HAUS6: variants seen among roughly 807,000 people sequenced by gnomAD.
HAUS6 encodes the protein HAUS augmin-like complex subunit 6.
Under a neutral mutation model 106.8 loss-of-function variants are expected in HAUS6, and 80 were observed. The observed-to-expected ratio is 0.75, with a 90% CI of 0.63 to 0.90. The LOEUF (loss-of-function observed/expected upper bound fraction) is 0.90. Among genes scored for constraint, HAUS6 ranks in the 40% least tolerant of loss-of-function variants. HAUS6 has a pLI of 0.00. For missense variants in HAUS6, 1,155 were observed against 1,118.1 expected (o/e 1.03, Z -0.47); for synonymous variants, 356 against 379.1 (o/e 0.94, Z 0.71).
At position 19,058,472 on chromosome 9, in the gene HAUS6, A is replaced by G. The variant is rs747208152; in HGVS notation, c.2295T>C (p.Ser765=). ...CAAAATCATTATCTTTAAAACTCTT[A>G]GAACTAATTCCACTTGATATCTGAA... ...NSFQISSGIS[S]KSFKDNDFGI... The change falls in exon 16 of 17, where the codon TCT becomes TCC. Residue 765 remains serine, a synonymous_variant. Transcript: ENST00000380502. The G allele has an allele frequency of 1.9e-6, 3 of 1,593,314 alleles. No homozygotes were observed. In the South Asian group the frequency reaches 3.4e-5, roughly 18 times the overall value.
At chr9:19,069,398 G>A (rs1468626296) in intron 12 of HAUS6, among the ~76,000 whole-genome samples, 1 of 152,064 alleles carries the variant, frequency 6.6e-6, no homozygotes, top group African/African-American at 2.4e-5. Flanking sequence ...CAGTTAAAAG[G>A]GCAAAATTGG....
At chr9:19,060,016 C>T in intron 15 of HAUS6, 72 bp downstream of exon 15, 1 of 1,214,294 alleles carries the variant, frequency 8.2e-7, no homozygotes, top group South Asian at 1.4e-5. Flanking sequence ...CTAAAAAGAT[C>T]TGTCAGGCCA....
At chr9:19,084,840 C>T (rs1367425287) in intron 7 of HAUS6, among the ~76,000 whole-genome samples, 1 of 152,036 alleles carries the variant, frequency 6.6e-6, no homozygotes, top group Non-Finnish European at 1.5e-5. Context: ...CCATGTTGGC[C>T]AGGCTGGCCT....
chr9:19,095,432 G>A (rs1357629619), intron 2 of HAUS6, among the ~76,000 whole-genome samples: 1 of 149,742 alleles, frequency 6.7e-6, no homozygotes, highest in South Asian at 2.1e-4. Context: ...TGGTTGACGG[G>A]TTTCAAAACA....
At chr9:19,072,232 G>A (rs1366002185) in intron 11 of HAUS6, among the ~76,000 whole-genome samples, 2 of 151,680 alleles carry the variant, frequency 1.3e-5, no homozygotes, top group African/African-American at 4.8e-5. Flanking sequence ...CTACAAATGG[G>A]CCAGGTACGA....
chr9:19,074,857 G>C (rs1489709867), intron 11 of HAUS6, among the ~76,000 whole-genome samples: 1 of 152,074 alleles, frequency 6.6e-6, no homozygotes, highest in East Asian at 1.9e-4. Context: ...TTGTACACAT[G>C]TGCTAATTAA....
chr9:19,090,306 GTATT>G (rs1427375330), intron 4 of HAUS6, among the ~76,000 whole-genome samples: 2 of 152,100 alleles, frequency 1.3e-5, no homozygotes, highest in Non-Finnish European at 2.9e-5. Flanking sequence ...CCGTAATAGT[GTATT>G]TATTTATAGA....
In HAUS6 at chr9:19,054,518, T is replaced by A. The variant is rs1457758574; in HGVS notation, c.*1825A>T. The A allele has an allele frequency of 1.3e-5, 2 of 152,264 alleles. No individual in the cohort carries two copies. The highest frequency in any genetic ancestry group is 4.8e-5 in the African/African-American group (2 of 41,460). 9.4% of individuals were successfully genotyped at this position (152,264 alleles called of 1,614,324 possible). ...GAACAGGAAAGAATGCCAAAAACTTTCAGCCCATCACAGGTATAACTCAAC... is the reference window on the plus strand; with the variant it reads ...GAACAGGAAAGAATGCCAAAAACTTACAGCCCATCACAGGTATAACTCAAC... On this transcript the variant is annotated 3_prime_UTR_variant, in exon 17 of 17. Transcript: ENST00000380502.
rs1836422928 is a variant in HAUS6 at position 19,054,258 on chromosome 9, G to C, written c.*2085C>G. On this transcript the variant is annotated 3_prime_UTR_variant, in exon 17 of 17. Coordinates refer to ENST00000380502, the MANE Select transcript of HAUS6 (RefSeq NM_017645.5). Reference sequence around the variant, plus strand: ...GGGGGAGTAGAGGAAATCCGTTACAGGGGAACTTACATGCCTTTAAATTTG... The same window carrying C: ...GGGGGAGTAGAGGAAATCCGTTACACGGGAACTTACATGCCTTTAAATTTG... The C allele has an allele frequency of 6.6e-6, 1 of 152,148 alleles. No individual in the cohort carries two copies. The highest frequency in any genetic ancestry group is 2.1e-4 in the South Asian group (1 of 4,828). 9.4% of individuals were successfully genotyped at this position (152,148 alleles called of 1,614,324 possible).
intron 15 of HAUS6, among the ~76,000 whole-genome samples, chr9:19,059,703 G>T (rs1836566419): frequency 6.6e-6 from 1 of 152,186 alleles, no homozygotes; most frequent in Non-Finnish European, 1.5e-5. Flanking sequence ...CCGCACACAT[G>T]GTTTATGGCT....
chr9:19,093,740 A>C (rs552000213), intron 3 of HAUS6, among the ~76,000 whole-genome samples: 1 of 152,220 alleles, frequency 6.6e-6, no homozygotes, highest in East Asian at 1.9e-4. Flanking sequence ...ATGGTAGTAC[A>C]TGGCTGTAAT....
Position 19,097,506 on chromosome 9 carries a change from T to C in HAUS6, c.129-737A>G, listed in dbSNP as rs938325929. 1.8e-4 allele frequency among the ~76,000 whole-genome samples: 27 copies of C among 152,022 alleles called. No individual in the cohort carries two copies. The East Asian group carries it at 4.4e-3, about 25-fold the overall frequency. On this transcript the variant is annotated intron_variant, in intron 1 of 16. Transcript: ENST00000380502. ...CAAAAAACACATGAAAAAATGCTCA[T>C]CATCACTGGCCATCAGAGAAATGCA...
intron 11 of HAUS6, among the ~76,000 whole-genome samples, chr9:19,071,667 G>C (rs868236066): frequency 6.7e-6 from 1 of 148,534 alleles, no homozygotes; most frequent in Admixed American, 6.8e-5. Flanking sequence ...TCGACTTCCT[G>C]GGCTCAAGCG....
chr9:19,086,926 A>G, intron 6 of HAUS6, 144 bp from the exon 7 acceptor site: 1 of 619,602 alleles, frequency 1.6e-6, no homozygotes. Flanking sequence ...ATAATAATTT[A>G]TTAGGAAAAC....
chr9:19,078,133 A>AAC lies in HAUS6; in HGVS notation c.1191+42_1191+43insGT. On this transcript the variant is annotated intron_variant, in intron 10 of 16. Transcript: ENST00000380502. Reference sequence around the variant, plus strand: ...GACACTGTCTCAAAAAAAAAAAAAAAGGTGGGTGGCGGGGAGGGCAGGGGC... The same window carrying AAC: ...GACACTGTCTCAAAAAAAAAAAAAAAACGGTGGGTGGCGGGGAGGGCAGGGGC... The AAC allele has an allele frequency of 2.8e-6, 4 of 1,410,318 alleles. No individual in the cohort carries two copies. In the African/African-American group the frequency reaches 4.4e-5, roughly 15 times the overall value. The allele number at this position is 1,410,318 out of a possible 1,614,324, so 87.4% of individuals were successfully genotyped here. A position where few individuals can be genotyped will look rare whatever the true frequency, so the allele number is the denominator to read the frequency against.
chr9:19,070,303 A>G lies in HAUS6; in HGVS notation c.1295-3T>C, dbSNP rs141470483. On this transcript the variant is annotated splice_region_variant and splice_polypyrimidine_tract_variant and intron_variant, in intron 11 of 16. Coordinates refer to ENST00000380502, the MANE Select transcript of HAUS6 (RefSeq NM_017645.5). ...TTGGTTATGTTGCTTATGTGCATCT[A>G]AAGAAATTTAAAAATTGGTTACTCT... is the stretch of plus-strand genomic sequence containing the variant. 5.3e-6 allele frequency: 8 copies of G among 1,513,504 alleles called. No individual in the cohort carries two copies. The highest frequency in any genetic ancestry group is 5.1e-5 in the Admixed American group (3 of 59,226). 93.8% of individuals were successfully genotyped at this position (1,513,504 alleles called of 1,614,324 possible).
At chr9:19,082,159 G>A (rs772352370) in intron 8 of HAUS6, among the ~76,000 whole-genome samples, 6 of 152,150 alleles carry the variant, frequency 3.9e-5, no homozygotes, top group African/African-American at 7.2e-5. Context: ...AAAGAACCAT[G>A]GAGAACATTA....
intron 8 of HAUS6, among the ~76,000 whole-genome samples, chr9:19,082,567 G>A (rs956865812): frequency 6.6e-6 from 1 of 152,114 alleles, no homozygotes; most frequent in Non-Finnish European, 1.5e-5. Flanking sequence ...TGACCAACAT[G>A]GAGAAACCCC....
intron 8 of HAUS6, among the ~76,000 whole-genome samples, chr9:19,082,166 A>G (rs561650953): frequency 3.3e-5 from 5 of 152,306 alleles, no homozygotes; most frequent in East Asian, 1.9e-4. Context: ...CATGGAGAAC[A>G]TTATTTAATG....
Sources: allele counts gnomAD v4.1 joint callset (sites outside exome capture counted in the v4.1 genomes callset), GRCh38; gene constraint gnomAD v4.1.1; transcripts MANE v1.5; gene names NCBI Gene and HGNC (gene_info 2026-07-23, HGNC 2026-07-21).